The following DPP10 variants were observed in gnomAD, a reference collection of about 807,000 sequenced individuals.
The protein encoded by DPP10 is inactive dipeptidyl peptidase 10.
Under a neutral mutation model 120.9 loss-of-function variants are expected in DPP10, and 33 were observed. The observed-to-expected ratio is 0.27, with a 90% CI of 0.21 to 0.37. DPP10 has a LOEUF of 0.37. Ranked by LOEUF, DPP10 falls within the 10% of genes least tolerant of loss-of-function variation. The pLI, the probability that DPP10 is intolerant of heterozygous loss-of-function variation, is 1.00. For synonymous variants in DPP10, 337 were observed against 326.1 expected, an observed-to-expected ratio of 1.03 and a Z score of -0.36; for missense variants, 816 against 942.8, an observed-to-expected ratio of 0.87 and a Z score of 1.76.
chr2:114,820,532 T>C (rs1284260358), intron 1 of DPP10, among the ~76,000 whole-genome samples: 1 of 152,102 alleles, frequency 6.6e-6, no homozygotes, highest in East Asian at 1.9e-4. Flanking sequence ...GACAGGGTAA[T>C]TTATAAAGGA....
chr2:115,312,951 C>T (rs562339211), intron 2 of DPP10, among the ~76,000 whole-genome samples: 18 of 152,150 alleles, frequency 1.2e-4, no homozygotes, highest in Middle Eastern at 3.4e-3. Context: ...AGGCCGGACG[C>T]GATGGCTCAC....
chr2:114,492,799 T>C (rs1682122455), intron 1 of DPP10, among the ~76,000 whole-genome samples: 1 of 152,142 alleles, frequency 6.6e-6, no homozygotes, highest in Admixed American at 6.6e-5. Flanking sequence ...GCTAGTAAAA[T>C]TGTCATTTGA....
intron 1 of DPP10, among the ~76,000 whole-genome samples, chr2:114,956,416 A>C (rs1378929384): frequency 6.6e-6 from 1 of 152,220 alleles, no homozygotes; most frequent in Admixed American, 6.5e-5. Flanking sequence ...GTGTATTGAA[A>C]CTTTTAAAAC....
At chr2:114,596,463 A>G (rs543356802) in intron 1 of DPP10, among the ~76,000 whole-genome samples, 1 of 152,104 alleles carries the variant, frequency 6.6e-6, no homozygotes, top group Non-Finnish European at 1.5e-5. Flanking sequence ...ATCTGTAATA[A>G]CCAGAAGTAA....
intron 1 of DPP10, among the ~76,000 whole-genome samples, chr2:114,819,779 A>G (rs1685940170): frequency 1.3e-5 from 2 of 152,130 alleles, no homozygotes; most frequent in African/African-American, 2.4e-5. Flanking sequence ...CCTCCTGGGT[A>G]TCTATTCGTT....
chr2:115,383,529 A>T (rs2066599678), intron 3 of DPP10, among the ~76,000 whole-genome samples: 1 of 152,220 alleles, frequency 6.6e-6, no homozygotes, highest in Non-Finnish European at 1.5e-5. Context: ...TAGATGACCC[A>T]GAAATCCTCT....
Position 115,662,694 on chromosome 2 carries a change from A to G in DPP10, c.442-26993A>G, listed in dbSNP as rs565304358. Among the ~76,000 whole-genome samples the G allele has an allele frequency of 7.2e-5, 11 of 152,304 alleles. 1 individual carries two copies. The South Asian group carries it at 2.3e-3, about 32-fold the overall frequency. On this transcript the variant is annotated intron_variant, in intron 5 of 25. Transcript: ENST00000410059. ...TTGTACACTGTTGGTAGAAATGTAA[A>G]TTGTTACACCCAGTATCTTTTTTAA... is the stretch of plus-strand genomic sequence containing the variant.
At chr2:115,681,793 TCTTC>T (rs61041757) in intron 5 of DPP10, among the ~76,000 whole-genome samples, 6,722 of 141,326 alleles carry the variant, frequency 0.048, 446 homozygotes, top group African/African-American at 0.15. Context: ...TCTTTCTTTC[TCTTC>T]CTTCCTTCCT....
chr2:114,518,910 G>A (rs1392787190), intron 1 of DPP10, among the ~76,000 whole-genome samples: 2 of 152,162 alleles, frequency 1.3e-5, no homozygotes, highest in East Asian at 1.9e-4. Flanking sequence ...ATTACTCAGA[G>A]GCTGGGTAGT....
chr2:115,459,086 G>T (rs183952636), intron 3 of DPP10, among the ~76,000 whole-genome samples: 3 of 152,018 alleles, frequency 2.0e-5, no homozygotes, highest in Non-Finnish European at 2.9e-5. Context: ...AAACTTAGAC[G>T]TACTGTTGGT....
chr2:115,446,010 G>A (rs903878827), intron 3 of DPP10, among the ~76,000 whole-genome samples: 15 of 152,166 alleles, frequency 9.9e-5, no homozygotes, highest in African/African-American at 3.6e-4. Flanking sequence ...TGTAAGATGG[G>A]CCCAGGATCT....
At chr2:115,832,804 C>CT (rs939684643) in intron 21 of DPP10, among the ~76,000 whole-genome samples, 30 of 147,100 alleles carry the variant, frequency 2.0e-4, no homozygotes, top group Non-Finnish European at 2.3e-4. Context: ...AGCACTGGCA[C>CT]TTTTTTTTTT....
In DPP10 at chr2:114,884,224, T is replaced by C. The variant is rs143363315; in HGVS notation, c.61-425015T>C. Among the ~76,000 whole-genome samples the C allele has an allele frequency of 9.1e-3, 1,392 of 152,336 alleles. 19 individuals carry two copies. Among genetic ancestry groups the C allele is most frequent in the African/African-American group, 0.032 (1,321 of 41,578 alleles). ...CTCTACTGTTTTCATTAGTTTATCA[T>C]ACATCATGGTTTCCTTGATAAATCG... On this transcript the variant is annotated intron_variant, in intron 1 of 25. Transcript: ENST00000410059.
intron 1 of DPP10, among the ~76,000 whole-genome samples, chr2:115,101,836 C>T (rs895352924): frequency 2.0e-5 from 3 of 152,196 alleles, no homozygotes; most frequent in Admixed American, 6.5e-5. Flanking sequence ...GCACTTGCAA[C>T]GTCTTGCTAC....
At chr2:114,676,701 A>G (rs1018755301) in intron 1 of DPP10, among the ~76,000 whole-genome samples, 16 of 152,070 alleles carry the variant, frequency 1.1e-4, no homozygotes, top group Non-Finnish European at 1.9e-4. Context: ...TAATGTTCCT[A>G]AATCTTGGAC....
chr2:114,870,987 C>CTTT (rs34571820), intron 1 of DPP10, among the ~76,000 whole-genome samples: 1 of 124,846 alleles, frequency 8.0e-6, no homozygotes, highest in Non-Finnish European at 1.7e-5. Flanking sequence ...TTTTTCTTTT[C>CTTT]TTTTTTTTTT....
At chr2:115,311,374 C>G (rs1017978590) in intron 2 of DPP10, among the ~76,000 whole-genome samples, 1 of 152,154 alleles carries the variant, frequency 6.6e-6, no homozygotes, top group Admixed American at 6.6e-5. Context: ...TTATTCAGTA[C>G]TTATTGACCA....
rs550771254 is a variant in DPP10 at position 115,030,007 on chromosome 2, A to G, written c.61-279232A>G. 9.9e-4 allele frequency among the ~76,000 whole-genome samples: 150 copies of G among 152,242 alleles called. 1 individual carries two copies. Among genetic ancestry groups the G allele is most frequent in the African/African-American group, 3.5e-3 (144 of 41,548 alleles). ...CTGCCTATGCAGTCTTTCCATTTCC[A>G]GTACTCTGCCCTATAAACTCATGCT... On this transcript the variant is annotated intron_variant, in intron 1 of 25. Transcript: ENST00000410059.
intron 1 of DPP10, among the ~76,000 whole-genome samples, chr2:115,188,614 A>G (rs552646879): frequency 6.6e-6 from 1 of 152,308 alleles, no homozygotes; most frequent in East Asian, 1.9e-4. Flanking sequence ...ATAAAAAGAG[A>G]TATAGGAATT....
Sources: allele counts gnomAD v4.1 joint callset (sites outside exome capture counted in the v4.1 genomes callset), GRCh38; gene constraint gnomAD v4.1.1; transcripts MANE v1.5; gene names NCBI Gene and HGNC (gene_info 2026-07-23, HGNC 2026-07-21).